The following LMX1B variants were observed in gnomAD, a reference collection of about 807,000 sequenced individuals.
LMX1B encodes LIM homeobox transcription factor 1-beta.
A neutral mutation model predicts 51.4 loss-of-function variants in LMX1B; 12 were observed. The ratio of observed to expected loss-of-function variants is 0.23; its 90% CI spans 0.15 to 0.38. The LOEUF is 0.38. LMX1B is among the 10% of genes least tolerant of loss of function. The probability of loss-of-function intolerance (pLI) is 1.00; values close to 1 mark genes in which losing one functional copy is unlikely to be tolerated. For missense variants in LMX1B, 445 were observed against 571.1 expected (o/e 0.78, Z 2.25); for synonymous variants, 237 against 235.4 (o/e 1.01, Z -0.06).
rs1050279030 is a variant in LMX1B at position 126,625,414 on chromosome 9, T to A, written c.326+9845T>A. On this transcript the variant is annotated intron_variant, in intron 2 of 7. Transcript: ENST00000373474. This position sits in a 1 kb window ranked among gnomAD's most constrained non-coding sequence, Gnocchi z 5.3. ...GACCGAGAGCACGGGTCCTGCTCTGTCCCCTCTTCCCAGGAAAGGTGGCAC... is the reference window on the plus strand; with the variant it reads ...GACCGAGAGCACGGGTCCTGCTCTGACCCCTCTTCCCAGGAAAGGTGGCAC... Among the ~76,000 whole-genome samples, 1 of 152,064 alleles carries A rather than the reference T, an allele frequency of 6.6e-6. No individual in the cohort carries two copies. The highest frequency in any genetic ancestry group is 2.4e-5 in the African/African-American group (1 of 41,402).
At chr9:126,636,553 GGCTGCTGTGTGGATT>G in intron 2 of LMX1B, among the ~76,000 whole-genome samples, 1 of 152,290 alleles carries the variant, frequency 6.6e-6, no homozygotes, top group South Asian at 2.1e-4. Flanking sequence ...CATGCACTCT[GGCTGCTGTGTGGATT>G]GCAAGGGGAG....
intron 2 of LMX1B, among the ~76,000 whole-genome samples, chr9:126,690,187 C>T (rs574681438): frequency 2.0e-5 from 3 of 152,256 alleles, no homozygotes; most frequent in South Asian, 2.1e-4. Context: ...CTCAGGAGCT[C>T]GGATGGTCTC....
chr9:126,670,744 G>A (rs909238735), intron 2 of LMX1B, among the ~76,000 whole-genome samples: 3 of 152,156 alleles, frequency 2.0e-5, no homozygotes. Flanking sequence ...ATAGGTTCTT[G>A]GAAACTGTGA....
At chr9:126,654,033 C>T (rs909929987) in intron 2 of LMX1B, among the ~76,000 whole-genome samples, 11 of 152,158 alleles carry the variant, frequency 7.2e-5, no homozygotes, top group Non-Finnish European at 1.3e-4. Flanking sequence ...TGCCATACCC[C>T]GATCCCCTAC....
chr9:126,687,389 C>T (rs748667033), intron 2 of LMX1B, among the ~76,000 whole-genome samples: 2 of 152,038 alleles, frequency 1.3e-5, no homozygotes, highest in African/African-American at 4.8e-5. Flanking sequence ...CCACCATACC[C>T]GGCTAATTTT....
In LMX1B at chr9:126,621,908, G is replaced by A. The variant is rs571229173; in HGVS notation, c.326+6339G>A. ...CTGTGCTCGGAATGGCAACTTTCTT[G>A]GGTTTCAGGCCGGCTGACAGCACTT... On this transcript the variant is annotated intron_variant, in intron 2 of 7. Transcript: ENST00000373474. Among the ~76,000 whole-genome samples the A allele has an allele frequency of 4.3e-4, 65 of 152,238 alleles. No homozygotes were observed. The South Asian group carries it at 0.013, about 30-fold the overall frequency.
rs575356457 is a variant in LMX1B at position 126,627,556 on chromosome 9, C to A, written c.326+11987C>A. ...GTGGGAGGGGCTCTTCCCCCACCAG[C>A]CCTGGCCTCTGAGCCTGCTCCCCTT... On this transcript the variant is annotated intron_variant, in intron 2 of 7. Coordinates refer to ENST00000373474, the MANE Select transcript of LMX1B (RefSeq NM_001174147.2). Among the ~76,000 whole-genome samples, 216 of 152,188 alleles carry A rather than the reference C, an allele frequency of 1.4e-3. 2 individuals are homozygous for A. Among genetic ancestry groups the A allele is most frequent in the Admixed American group, 0.012 (180 of 15,294 alleles).
chr9:126,632,210 G>A (rs1185653743), intron 2 of LMX1B, among the ~76,000 whole-genome samples: 9 of 152,300 alleles, frequency 5.9e-5, no homozygotes, highest in African/African-American at 1.4e-4. Flanking sequence ...CATGGGAGCC[G>A]TTTTTCTTAG....
At chr9:126,689,562 G>A (rs2030038184) in intron 2 of LMX1B, among the ~76,000 whole-genome samples, 1 of 152,234 alleles carries the variant, frequency 6.6e-6, no homozygotes, top group Non-Finnish European at 1.5e-5. Context: ...GTGTTGTTGA[G>A]CTGAGTTCCC....
intron 2 of LMX1B, among the ~76,000 whole-genome samples, chr9:126,678,180 C>T (rs753231461): frequency 2.6e-5 from 4 of 152,004 alleles, no homozygotes; most frequent in Non-Finnish European, 5.9e-5. Flanking sequence ...GGTGGTGGCC[C>T]GCGCCTGTAA....
Position 126,695,786 on chromosome 9 carries a change from T to C in LMX1B, c.887-53T>C. 1.9e-6 allele frequency: 3 copies of C among 1,600,574 alleles called. No individual in the cohort carries two copies. The highest frequency in any genetic ancestry group is 2.6e-6 in the Non-Finnish European group (3 of 1,171,892). On this transcript the variant is annotated intron_variant, in intron 6 of 7. Transcript: ENST00000373474. This position sits in a 1 kb window ranked among gnomAD's most constrained non-coding sequence, Gnocchi z 5.2. ...ATCAGAAGGGGAGGCTGCTGGGGTG[T>C]AGCTGGGAGGGCGTGGACCAGGCCA... is the stretch of plus-strand genomic sequence containing the variant.
intron 6 of LMX1B, among the ~76,000 whole-genome samples, chr9:126,694,703 C>G (rs141575955): frequency 6.6e-6 from 1 of 152,182 alleles, no homozygotes; most frequent in Non-Finnish European, 1.5e-5. Flanking sequence ...GCCAGTGTCC[C>G]AGGCTGGACT....
chr9:126,643,808 A>G (rs1275210162), intron 2 of LMX1B, among the ~76,000 whole-genome samples: 2 of 152,124 alleles, frequency 1.3e-5, no homozygotes, highest in Non-Finnish European at 2.9e-5. Context: ...ATTAACTCGA[A>G]TCAATACTGT....
chr9:126,678,315 A>C (rs1191278313), intron 2 of LMX1B, among the ~76,000 whole-genome samples: 52 of 145,690 alleles, frequency 3.6e-4, no homozygotes, highest in Admixed American at 1.2e-3. Flanking sequence ...GTCTCAAAAA[A>C]AAAAAACAAA....
chr9:126,662,557 G>A (rs1836265724), intron 2 of LMX1B, among the ~76,000 whole-genome samples: 2 of 152,160 alleles, frequency 1.3e-5, no homozygotes, highest in Admixed American at 1.3e-4. Context: ...CCAGTTCCCT[G>A]GTCTAGCCAT....
chr9:126,638,819 T>C (rs888999133), intron 2 of LMX1B, among the ~76,000 whole-genome samples: 2 of 152,128 alleles, frequency 1.3e-5, no homozygotes, highest in African/African-American at 2.4e-5. Flanking sequence ...TCCATTGATA[T>C]TCCTCACACA....
At chr9:126,647,031 T>G (rs1835915234) in intron 2 of LMX1B, among the ~76,000 whole-genome samples, 1 of 152,166 alleles carries the variant, frequency 6.6e-6, no homozygotes, top group Non-Finnish European at 1.5e-5. Flanking sequence ...GATCACTCTT[T>G]TGACCAAATA....
At chr9:126,662,922 A>G (rs3861872) in intron 2 of LMX1B, among the ~76,000 whole-genome samples, 4,826 of 152,268 alleles carry the variant, frequency 0.032, 244 homozygotes, top group African/African-American at 0.11. Context: ...AGGCAGGACT[A>G]CCCGTCAGGA....
chr9:126,694,068 A>G (rs1048047580), intron 6 of LMX1B, among the ~76,000 whole-genome samples: 2 of 152,176 alleles, frequency 1.3e-5, no homozygotes, highest in African/African-American at 4.8e-5. Context: ...GAGACAGAGA[A>G]ATAGAGAAGC....
Sources: gnomAD v4.1 joint callset for allele counts (sites outside exome capture counted in the v4.1 genomes callset) on GRCh38, gnomAD v4.1.1 for gene constraint, Gnocchi (gnomAD v3.1) non-coding constraint, MANE v1.5 for transcripts, NCBI Gene and HGNC (gene_info 2026-07-23, HGNC 2026-07-21) for gene names.